Variants in PSG7 observed in about 807,000 individuals in gnomAD.
PSG7 encodes pregnancy-specific beta-1-glycoprotein 7.
A neutral mutation model predicts 45.6 loss-of-function variants in PSG7; 57 were observed. The ratio of observed to expected loss-of-function variants is 1.25; its 90% CI spans 1.01 to 1.56. The LOEUF (loss-of-function observed/expected upper bound fraction) is 1.56, where lower values mean the gene tolerates loss of function less well. Among genes scored for constraint, PSG7 ranks in the 40% most tolerant of loss-of-function variants. PSG7 has a pLI of 0.00. For synonymous variants in PSG7, 298 were observed against 194.4 expected, an observed-to-expected ratio of 1.53 and a Z score of -4.43; for missense variants, 796 against 508.4, an observed-to-expected ratio of 1.57 and a Z score of -5.44.
chr19:42,929,548 G>A lies in PSG7; in HGVS notation c.603C>T (p.Thr201=), dbSNP rs1568457182. ...HSLQLSETNR[T]LYLFGVTNYT... ...AGTTTGTGACACCAAATAGGTAGAG[G>A]GTCCTGTTGGTTTCAGACAGCTGCA... Residue 201 remains threonine (T), a synonymous_variant, in exon 3 of 6, where the codon ACC becomes ACT. Coordinates refer to ENST00000406070, the MANE Select transcript of PSG7 (RefSeq NM_002783.3). 6.2e-7 allele frequency: 1 copy of A among 1,612,542 alleles called. No homozygotes were observed. Among genetic ancestry groups the A allele is most frequent in the South Asian group, 1.1e-5 (1 of 90,834 alleles).
intron 3 of PSG7, among the ~76,000 whole-genome samples, chr19:42,928,122 G>C (rs1431048028): frequency 6.6e-6 from 1 of 151,364 alleles, no homozygotes; most frequent in East Asian, 1.9e-4. Context: ...AGTTTTCGGT[G>C]AATTCCATAC....
At chr19:42,931,185 A>G (rs1973011987) in intron 2 of PSG7, among the ~76,000 whole-genome samples, 1 of 151,584 alleles carries the variant, frequency 6.6e-6, no homozygotes, top group South Asian at 2.1e-4. Context: ...AATTTGGAGG[A>G]AACATTAAAA....
At chr19:42,930,286 G>A (rs1972991612) in intron 2 of PSG7, among the ~76,000 whole-genome samples, 1 of 151,596 alleles carries the variant, frequency 6.6e-6, no homozygotes, top group Non-Finnish European at 1.5e-5. Context: ...TCAGTCATCA[G>A]GCAGTGCAGC....
At chr19:42,932,831 T>A (rs549520885) in intron 2 of PSG7, among the ~76,000 whole-genome samples, 13 of 151,654 alleles carry the variant, frequency 8.6e-5, no homozygotes, top group South Asian at 2.1e-4. Flanking sequence ...GCTAAAATGT[T>A]GGCACAGTTT....
chr19:42,933,631 C>T (rs116758748), intron 2 of PSG7, among the ~76,000 whole-genome samples: 11 of 150,158 alleles, frequency 7.3e-5, no homozygotes, highest in Admixed American at 2.0e-4. Context: ...GGAGTGTCTG[C>T]GGAAGGCCTA....
chr19:42,928,928 A>G (rs563931808), intron 3 of PSG7, among the ~76,000 whole-genome samples: 2 of 151,664 alleles, frequency 1.3e-5, no homozygotes, highest in South Asian at 2.1e-4. Flanking sequence ...CTTCCCATCA[A>G]TCAGCCAAGA....
At chr19:42,936,634 TC>T (rs1973157606) in intron 1 of PSG7, 1 of 213,020 alleles carries the variant, frequency 4.7e-6, no homozygotes, top group Non-Finnish European at 9.2e-6. Context: ...GAGCCTTCTT[TC>T]CTTTTTTTTC....
rs782741545 is a variant in PSG7 at position 42,935,571 on chromosome 19, A to C, written c.263T>G (p.Ile88Arg). 7 of 1,611,892 alleles carry C rather than the reference A, an allele frequency of 4.3e-6. No individual in the cohort carries two copies. In the African/African-American group the frequency reaches 6.7e-5, roughly 15 times the overall value. ...YVTSYIVDGQ[I>R]IKYGPAYSGR... ...ACTGTATGCAGGCCCATATTTAATT[A>C]TTTGACCGTCTACTATATATGATGT... The change falls in exon 2 of 6, where the codon ATA becomes AGA. Residue 88 changes from isoleucine to arginine, a missense_variant. Ile to Arg is a moderately conservative substitution (Grantham distance 97, BLOSUM62 -3). Coordinates refer to ENST00000406070, the MANE Select transcript of PSG7 (RefSeq NM_002783.3).
At chr19:42,936,234 A>C (rs1973150347) in intron 1 of PSG7, 1 of 166,488 alleles carries the variant, frequency 6.0e-6, no homozygotes, top group Non-Finnish European at 1.3e-5. Flanking sequence ...ATCTCTTTGC[A>C]TGTCTGTCTT....
rs200906085 is a variant in PSG7, at chr19:42,929,627, T to G, written c.524A>C (p.Asp175Ala). The G allele has an allele frequency of 4.8e-5, 77 of 1,612,436 alleles. 1 individual carries two copies. Among genetic ancestry groups the G allele is most frequent in the Non-Finnish European group, 6.1e-5 (72 of 1,179,236 alleles). Residue 175 changes from aspartate to alanine, a missense_variant, in exon 3 of 6, where the codon GAT becomes GCT. By Grantham distance (126) the Asp-to-Ala change is moderately radical (BLOSUM62 -2). Transcript: ENST00000406070. The part of the protein sequence containing the change: ...VILTCDPETP[D>A]ASYLWWMNGQ... ...ATTCATCCACCACAGGTAGCTTGCA[T>G]CTGGAGTCTCAGGATCACAGGTTAA...
Position 42,935,586 on chromosome 19 carries a change from A to G in PSG7, c.248T>C (p.Ile83Thr). The stretch of plus-strand genomic sequence containing the variant: ...ATATTTAATTATTTGACCGTCTACT[A>G]TATATGATGTAACATAATGGTAGAG... ...RDLYHYVTSY[I>T]VDGQIIKYGP... Residue 83 changes from isoleucine to threonine, a missense_variant, in exon 2 of 6, where the codon ATA (isoleucine) becomes ACA (threonine). Coordinates refer to ENST00000406070, the MANE Select transcript of PSG7 (RefSeq NM_002783.3). 1.2e-6 allele frequency: 2 copies of G among 1,612,122 alleles called. No individual in the cohort carries two copies. Among genetic ancestry groups the G allele is most frequent in the African/African-American group, 1.3e-5 (1 of 74,654 alleles).
At chr19:42,925,366 G>A in intron 5 of PSG7, 1 of 396,194 alleles carries the variant, frequency 2.5e-6, no homozygotes, top group South Asian at 3.1e-5. Flanking sequence ...GAGAGCAAAA[G>A]TAAATATTTC....
In PSG7 at chr19:42,933,595, G is replaced by C. The variant is rs1973080626; in HGVS notation, c.430+1809C>G. 1.3e-5 allele frequency among the ~76,000 whole-genome samples: 2 copies of C among 150,434 alleles called. 1 individual carries two copies. Among genetic ancestry groups the C allele is most frequent in the Non-Finnish European group, 3.0e-5 (2 of 67,620 alleles). ...CCAGGCCACAGTGTTAGCGGGAAGG[G>C]AACAGAACAGTCAGCCTAGTTAGAG... On this transcript the variant is annotated intron_variant, in intron 2 of 5. Coordinates refer to ENST00000406070, the MANE Select transcript of PSG7 (RefSeq NM_002783.3).
At position 42,926,486 on chromosome 19, in the gene PSG7, C is replaced by T. The variant is rs111753727; in HGVS notation, c.940G>A (p.Asp314Asn). 1.4e-3 allele frequency: 2,216 copies of T among 1,611,492 alleles called. 60 individuals are homozygous for T. The African/African-American group carries it at 0.025, about 18-fold the overall frequency. The change falls in exon 4 of 6, where the codon GAC (aspartate) becomes AAC (asparagine). Residue 314 changes from aspartate (D) to asparagine (N), a missense_variant. Asp to Asn is a conservative substitution (Grantham distance 23, BLOSUM62 1). Transcript: ENST00000406070. ...ETGPYQCEIR[D>N]RYGGIRSDPV... Reference sequence around the variant, plus strand: ...TCACTGCGGATGCCACCATATCGGTCCCGTATTTCACATTGATAGGGTCCT... The same window carrying T: ...TCACTGCGGATGCCACCATATCGGTTCCGTATTTCACATTGATAGGGTCCT...
In PSG7 at chr19:42,933,643, C is replaced by A. The variant is rs138096758; in HGVS notation, c.430+1761G>T. 7.2e-3 allele frequency among the ~76,000 whole-genome samples: 1,086 copies of A among 150,386 alleles called. 34 individuals carry two copies. Among genetic ancestry groups the A allele is most frequent in the African/African-American group, 0.026 (1,044 of 40,634 alleles). On this transcript the variant is annotated intron_variant, in intron 2 of 5. Coordinates refer to ENST00000406070, the MANE Select transcript of PSG7 (RefSeq NM_002783.3). The stretch of plus-strand genomic sequence containing the variant: ...GAGGGAGTGTCTGCGGAAGGCCTAG[C>A]AGTGGAGGAAGAAGCTGTGCAGGAC...
At chr19:42,929,298 C>T (rs879285001) in intron 3 of PSG7, 144 bp downstream of exon 3, 3 of 1,553,948 alleles carry the variant, frequency 1.9e-6, no homozygotes, top group Middle Eastern at 2.0e-4. Flanking sequence ...CTCTGGTTTG[C>T]CTGGGGCAGG....
chr19:42,924,680 G>T lies in PSG7; in HGVS notation c.*128C>A. On this transcript the variant is annotated 3_prime_UTR_variant, in exon 6 of 6. Transcript: ENST00000406070. ...GAGTTCTGAGTGGCTCAGACATCAG[G>T]TACAAGGATTTTCCCATGAAATTTA... The T allele has an allele frequency of 2.6e-6, 2 of 761,332 alleles. No individual in the cohort carries two copies. Among genetic ancestry groups the T allele is most frequent in the South Asian group, 1.4e-5 (1 of 73,010 alleles). The allele number at this position is 761,332 out of a possible 1,614,324, so 47.2% of individuals were successfully genotyped here. A position where few individuals can be genotyped will look rare whatever the true frequency, so the allele number is the denominator to read the frequency against.
chr19:42,932,189 A>G (rs553729240), intron 2 of PSG7, among the ~76,000 whole-genome samples: 7 of 151,158 alleles, frequency 4.6e-5, no homozygotes, highest in Non-Finnish European at 1.0e-4. Context: ...ACGTCCCACT[A>G]ATTTTTTGTA....
At position 42,931,950 on chromosome 19, in the gene PSG7, T is replaced by C. The variant is rs367747597; in HGVS notation, c.431-2230A>G. On this transcript the variant is annotated intron_variant, in intron 2 of 5. Transcript: ENST00000406070. ...GTTTTGGAAGTTTCTATTGACACAT[T>C]CTCAAGCTAGGTATTCTTTCCACAG... is the stretch of plus-strand genomic sequence containing the variant. Among the ~76,000 whole-genome samples, 80 of 151,700 alleles carry C rather than the reference T, an allele frequency of 5.3e-4. 1 individual carries two copies. Among genetic ancestry groups the C allele is most frequent in the African/African-American group, 8.0e-4 (33 of 41,336 alleles).
Sources: gnomAD v4.1 joint callset for allele counts (sites outside exome capture counted in the v4.1 genomes callset) on GRCh38, gnomAD v4.1.1 for gene constraint, MANE v1.5 for transcripts, NCBI Gene and HGNC (gene_info 2026-07-23, HGNC 2026-07-21) for gene names.